ROR2: variants seen among roughly 807,000 people sequenced by gnomAD.
ROR2 encodes tyrosine-protein kinase transmembrane receptor ROR2.
In ROR2, 33 loss-of-function variants were observed where a neutral mutation model predicts 74.9. The observed-to-expected ratio is 0.44, with a 90% confidence interval of 0.33 to 0.59. ROR2 has a LOEUF of 0.59. ROR2 is among the 20% of genes least tolerant of loss of function. The pLI, the probability that ROR2 is intolerant of heterozygous loss-of-function variation, is 0.02. For synonymous variants in ROR2, 586 were observed against 558.7 expected, an observed-to-expected ratio of 1.05 and a Z score of -0.69; for missense variants, 1,216 against 1,313.8, an observed-to-expected ratio of 0.93 and a Z score of 1.15.
At chr9:91,906,643 T>C (rs559506171) in intron 1 of ROR2, among the ~76,000 whole-genome samples, 1 of 152,370 alleles carries the variant, frequency 6.6e-6, no homozygotes, top group South Asian at 2.1e-4. Context: ...TCTTAAGTCA[T>C]GGTCAATGAC....
At chr9:91,939,765 G>C (rs993717950) in intron 1 of ROR2, among the ~76,000 whole-genome samples, 1 of 152,116 alleles carries the variant, frequency 6.6e-6, no homozygotes, top group Non-Finnish European at 1.5e-5. Context: ...TCCTTTCTAC[G>C]CATTAATACT....
chr9:91,858,228 CG>C (rs1330185676), intron 1 of ROR2, among the ~76,000 whole-genome samples: 1 of 152,188 alleles, frequency 6.6e-6, no homozygotes, highest in East Asian at 1.9e-4. Flanking sequence ...GGTGGGGGTG[CG>C]GGTAACTGCT....
At chr9:91,864,768 T>TA (rs1397968369) in intron 1 of ROR2, among the ~76,000 whole-genome samples, 30 of 152,222 alleles carry the variant, frequency 2.0e-4, no homozygotes, top group African/African-American at 7.2e-4. Flanking sequence ...TAAAGATAGG[T>TA]AACTTTCACC....
chr9:91,936,826 C>G (rs1052723046), intron 1 of ROR2, among the ~76,000 whole-genome samples: 1 of 151,500 alleles, frequency 6.6e-6, no homozygotes, highest in South Asian at 2.1e-4. Flanking sequence ...GTCAGGAGAT[C>G]GAGACCATCC....
At chr9:91,902,346 T>A (rs1183079770) in intron 1 of ROR2, among the ~76,000 whole-genome samples, 3 of 152,112 alleles carry the variant, frequency 2.0e-5, no homozygotes, top group Non-Finnish European at 4.4e-5. Context: ...CAGGGTCTTT[T>A]CCCTTCTTTC....
intron 1 of ROR2, among the ~76,000 whole-genome samples, chr9:91,780,569 T>C (rs1826583438): frequency 6.6e-6 from 1 of 151,882 alleles, no homozygotes; most frequent in Admixed American, 6.6e-5. Flanking sequence ...CTCGGGTGGA[T>C]CACCTGAGGT....
chr9:91,780,802 A>G (rs961057963), intron 1 of ROR2, among the ~76,000 whole-genome samples: 1 of 152,218 alleles, frequency 6.6e-6, no homozygotes, highest in African/African-American at 2.4e-5. Flanking sequence ...AAAAAAAGAT[A>G]AATTTATATC....
chr9:91,783,859 C>A (rs1263516387), intron 1 of ROR2, among the ~76,000 whole-genome samples: 2 of 152,254 alleles, frequency 1.3e-5, no homozygotes, highest in Non-Finnish European at 2.9e-5. Flanking sequence ...ACTCCACTGC[C>A]CACGTCTGGA....
intron 1 of ROR2, among the ~76,000 whole-genome samples, chr9:91,883,772 T>C (rs1336364703): frequency 6.6e-6 from 1 of 152,134 alleles, no homozygotes; most frequent in Non-Finnish European, 1.5e-5. Flanking sequence ...CTCTGAAGTG[T>C]CCTTGCAGGA....
rs1285603582 is a variant in ROR2, at chr9:91,909,842, GTTTTGTTTTT to G, written c.97+40015_97+40024del. On this transcript the variant is annotated intron_variant, in intron 1 of 8. Coordinates refer to ENST00000375708, the MANE Select transcript of ROR2 (RefSeq NM_004560.4). ...TTTATTCTTTTTTTTTTTTAGGTTT[GTTTTGTTTTT>G]TTTTTTTTTTTTTTTTTTTAGTTTT... Among the ~76,000 whole-genome samples, 33 of 55,994 alleles carry G rather than the reference GTTTTGTTTTT, an allele frequency of 5.9e-4. 1 individual carries two copies. The highest frequency in any genetic ancestry group is 1.9e-3 in the African/African-American group (25 of 13,388). The allele number at this position is 55,994 out of a possible 152,430, so 36.7% of individuals were successfully genotyped here. A position where few individuals can be genotyped will look rare whatever the true frequency, so the allele number is the denominator to read the frequency against.
chr9:91,784,607 T>C (rs1264253872), intron 1 of ROR2, among the ~76,000 whole-genome samples: 1 of 152,224 alleles, frequency 6.6e-6, no homozygotes, highest in Non-Finnish European at 1.5e-5. Context: ...TGTTAGTGGG[T>C]GTATATACCA....
intron 1 of ROR2, among the ~76,000 whole-genome samples, chr9:91,932,870 T>C (rs1831586304): frequency 6.6e-6 from 1 of 152,232 alleles, no homozygotes; most frequent in Admixed American, 6.5e-5. Flanking sequence ...CTATTTTTCA[T>C]ACTTCTTAAG....
intron 1 of ROR2, among the ~76,000 whole-genome samples, chr9:91,803,946 C>G (rs1049465155): frequency 2.0e-5 from 3 of 152,224 alleles, no homozygotes; most frequent in African/African-American, 7.2e-5. Flanking sequence ...ACTTTGAGGA[C>G]ACACCACATA....
intron 1 of ROR2, among the ~76,000 whole-genome samples, chr9:91,798,753 CT>C (rs1438685378): frequency 2.6e-5 from 4 of 151,964 alleles, no homozygotes; most frequent in African/African-American, 7.3e-5. Flanking sequence ...GAGATGCCCC[CT>C]CTCATCCTCC....
chr9:91,740,189 G>C (rs1825172046), intron 4 of ROR2, among the ~76,000 whole-genome samples: 1 of 152,144 alleles, frequency 6.6e-6, no homozygotes. Flanking sequence ...GTGCTGGGGT[G>C]GAGGGTGCTC....
intron 1 of ROR2, among the ~76,000 whole-genome samples, chr9:91,877,872 C>G (rs1323476075): frequency 2.6e-5 from 4 of 152,188 alleles, no homozygotes; most frequent in African/African-American, 7.2e-5. Flanking sequence ...CATTTGCAAA[C>G]AGTTCCAGAG....
intron 2 of ROR2, among the ~76,000 whole-genome samples, chr9:91,765,524 C>T (rs1028771580): frequency 6.6e-6 from 1 of 152,204 alleles, no homozygotes; most frequent in Non-Finnish European, 1.5e-5. Flanking sequence ...AACTTTTTGG[C>T]TTGGAATTTC....
At chr9:91,935,206 G>A (rs895153866) in intron 1 of ROR2, among the ~76,000 whole-genome samples, 2 of 152,106 alleles carry the variant, frequency 1.3e-5, no homozygotes, top group African/African-American at 2.4e-5. Context: ...CCCCACCTCC[G>A]GCACTCAACA....
chr9:91,791,856 A>C (rs1482200448), intron 1 of ROR2, among the ~76,000 whole-genome samples: 1 of 152,258 alleles, frequency 6.6e-6, no homozygotes. Context: ...AATACATTTA[A>C]TACATAACCT....
Sources: gnomAD v4.1 joint callset for allele counts (sites outside exome capture counted in the v4.1 genomes callset) on GRCh38, gnomAD v4.1.1 for gene constraint, MANE v1.5 for transcripts, NCBI Gene and HGNC (gene_info 2026-07-23, HGNC 2026-07-21) for gene names.